MIPOL1: variants seen among roughly 807,000 people sequenced by gnomAD.
MIPOL1 encodes mirror-image polydactyly gene 1 protein.
Under a neutral mutation model 60.9 loss-of-function variants are expected in MIPOL1, and 57 were observed. That is an observed-to-expected ratio of 0.94 (90% CI 0.76 to 1.17). MIPOL1 has a LOEUF of 1.17. Ranked by LOEUF, MIPOL1 falls within the 50% of genes most tolerant of loss-of-function variation. The pLI is 0.00. For missense variants in MIPOL1, 551 were observed against 511.6 expected (o/e 1.08, Z -0.74); for synonymous variants, 179 against 168.8 (o/e 1.06, Z -0.47).
chr14:37,369,057 C>G, intron 9 of MIPOL1, among the ~76,000 whole-genome samples: 1 of 151,664 alleles, frequency 6.6e-6, no homozygotes, highest in East Asian at 1.9e-4. Flanking sequence ...TTAGATATTT[C>G]TAAAATCTAG....
intron 11 of MIPOL1, among the ~76,000 whole-genome samples, chr14:37,474,374 G>A (rs577004300): frequency 6.6e-6 from 1 of 152,266 alleles, no homozygotes; most frequent in Admixed American, 6.5e-5. Context: ...CATGTGTCGT[G>A]GGAGGGGAGG....
At position 37,218,844 on chromosome 14, in the gene MIPOL1, G is replaced by A. The variant is rs550003568; in HGVS notation, c.-199+20740G>A. ...GGAGGCTGAGGTGGGAGTATTGGTT[G>A]AGCCCAGGAATTTGAGGCTGCAGTG... On this transcript the variant is annotated intron_variant, in intron 1 of 12. Transcript: ENST00000684589. Among the ~76,000 whole-genome samples, 226 of 150,334 alleles carry A rather than the reference G, an allele frequency of 1.5e-3. 1 individual carries two copies. The highest frequency in any genetic ancestry group is 4.9e-3 in the African/African-American group (201 of 40,930).
At position 37,305,779 on chromosome 14, in the gene MIPOL1, AT is replaced by A. The variant is rs1252537814; in HGVS notation, c.624-2270del. ...ATTTTTTTATTTTAACCAGTTATAT[AT>A]TTTTTTCCTGGCCATTTATCACTAT... is the stretch of plus-strand genomic sequence containing the variant. On this transcript the variant is annotated intron_variant, in intron 7 of 12. Transcript: ENST00000684589. 5.9e-5 allele frequency among the ~76,000 whole-genome samples: 9 copies of A among 151,634 alleles called. No homozygotes were observed. In the South Asian group the frequency reaches 6.2e-4, roughly 10 times the overall value.
chr14:37,300,517 T>C (rs112894491), intron 7 of MIPOL1, among the ~76,000 whole-genome samples: 524 of 15,822 alleles, frequency 0.033, 232 homozygotes, highest in Admixed American at 0.045. Context: ...TTATTTGTTT[T>C]TGTTTTGAGA....
intron 9 of MIPOL1, among the ~76,000 whole-genome samples, chr14:37,328,154 A>G (rs774319440): frequency 6.6e-6 from 1 of 152,126 alleles, no homozygotes; most frequent in Non-Finnish European, 1.5e-5. Context: ...CTGGGATTAC[A>G]GGTGCCCACC....
chr14:37,228,548 G>A (rs1049817307), intron 1 of MIPOL1, among the ~76,000 whole-genome samples: 3 of 151,946 alleles, frequency 2.0e-5, no homozygotes, highest in African/African-American at 7.3e-5. Flanking sequence ...AGGGATGATG[G>A]TAGTGACATG....
chr14:37,496,643 A>G (rs2095134637), intron 11 of MIPOL1, among the ~76,000 whole-genome samples: 1 of 151,228 alleles, frequency 6.6e-6, no homozygotes, highest in African/African-American at 2.4e-5. Flanking sequence ...TGCTCAATGA[A>G]ATAAAAGAGG....
intron 1 of MIPOL1, among the ~76,000 whole-genome samples, chr14:37,225,276 G>C (rs1288641084): frequency 6.6e-6 from 1 of 152,166 alleles, no homozygotes. Context: ...TGCCCCAGTA[G>C]GAACTTTGTG....
chr14:37,370,894 G>A (rs2153497681), intron 10 of MIPOL1, among the ~76,000 whole-genome samples: 1 of 152,236 alleles, frequency 6.6e-6, no homozygotes, highest in African/African-American at 2.4e-5. Context: ...TTGAAAAGCA[G>A]CTTCCATAAT....
intron 7 of MIPOL1, among the ~76,000 whole-genome samples, chr14:37,294,085 C>T (rs1201664235): frequency 1.5e-4 from 23 of 152,248 alleles, no homozygotes; most frequent in South Asian, 4.1e-4. Context: ...ACACCTCACA[C>T]GGCCGGGAAC....
At chr14:37,510,700 A>G (rs1206965997) in intron 12 of MIPOL1, among the ~76,000 whole-genome samples, 1 of 152,216 alleles carries the variant, frequency 6.6e-6, no homozygotes, top group African/African-American at 2.4e-5. Flanking sequence ...GAACAAATCA[A>G]CTATAACAAT....
intron 12 of MIPOL1, among the ~76,000 whole-genome samples, chr14:37,521,910 A>ATTTTTTT (rs34333538): frequency 5.3e-5 from 7 of 132,772 alleles, no homozygotes; most frequent in African/African-American, 1.9e-4. Context: ...ATATATATAT[A>ATTTTTTT]TTTTTTTTTT....
rs1253393627 is a variant in MIPOL1 at position 37,199,204 on chromosome 14, A to G, written c.-199+1100A>G. On this transcript the variant is annotated intron_variant, in intron 1 of 12. Transcript: ENST00000684589. Reference sequence around the variant, plus strand: ...GAATTTTCACAAAGTGTAAATACCCATGTATCCAGTATCTAGATCAGGAAA... The same window carrying G: ...GAATTTTCACAAAGTGTAAATACCCGTGTATCCAGTATCTAGATCAGGAAA... Among the ~76,000 whole-genome samples the G allele has an allele frequency of 3.9e-5, 6 of 152,362 alleles. No individual in the cohort carries two copies. In the East Asian group the frequency reaches 5.8e-4, roughly 15 times the overall value.
intron 6 of MIPOL1, among the ~76,000 whole-genome samples, chr14:37,284,994 C>T (rs1344150403): frequency 6.6e-6 from 1 of 152,148 alleles, no homozygotes; most frequent in Non-Finnish European, 1.5e-5. Context: ...TAAACATTGC[C>T]AAATTGCTCT....
At chr14:37,235,757 T>A (rs1192100268) in intron 1 of MIPOL1, among the ~76,000 whole-genome samples, 2 of 152,088 alleles carry the variant, frequency 1.3e-5, no homozygotes, top group Non-Finnish European at 2.9e-5. Flanking sequence ...GCCCCTCCCC[T>A]GGCTCCTGAT....
intron 11 of MIPOL1, among the ~76,000 whole-genome samples, chr14:37,467,197 G>C (rs986097519): frequency 6.6e-6 from 1 of 152,148 alleles, no homozygotes; most frequent in Non-Finnish European, 1.5e-5. Flanking sequence ...AAAACCTGTA[G>C]ATAAAGCAAT....
chr14:37,453,374 AATTTAT>A (rs1288928964), intron 11 of MIPOL1, among the ~76,000 whole-genome samples: 2 of 152,102 alleles, frequency 1.3e-5, no homozygotes, highest in Admixed American at 6.6e-5. Context: ...TAGAACCTGG[AATTTAT>A]ATTTATACTC....
chr14:37,299,904 C>T (rs1374638170), intron 7 of MIPOL1, among the ~76,000 whole-genome samples: 1 of 151,976 alleles, frequency 6.6e-6, no homozygotes, highest in African/African-American at 2.4e-5. Flanking sequence ...TCTAACTTTT[C>T]TTGTGTTTTA....
At chr14:37,318,703 A>G (rs1290314427) in intron 9 of MIPOL1, among the ~76,000 whole-genome samples, 4 of 152,172 alleles carry the variant, frequency 2.6e-5, no homozygotes, top group Non-Finnish European at 4.4e-5. Flanking sequence ...TCTTTTTTCA[A>G]TACATATTGT....
Sources: allele counts gnomAD v4.1 joint callset (sites outside exome capture counted in the v4.1 genomes callset), GRCh38; gene constraint gnomAD v4.1.1; transcripts MANE v1.5; gene names NCBI Gene and HGNC (gene_info 2026-07-23, HGNC 2026-07-21).